The following MED1 variants were observed in gnomAD, a reference collection of about 807,000 sequenced individuals.
The protein encoded by MED1 is mediator complex subunit 1.
Under a neutral mutation model 121.3 loss-of-function variants are expected in MED1, and 17 were observed. The observed-to-expected ratio is 0.14, with a 90% CI of 0.10 to 0.21. The LOEUF is 0.21. Ranked by LOEUF, MED1 falls within the 10% of genes least tolerant of loss-of-function variation. The pLI, the probability that MED1 is intolerant of heterozygous loss-of-function variation, is 1.00. For missense variants in MED1, 1,558 were observed against 1,919.4 expected, an observed-to-expected ratio of 0.81 and a Z score of 3.52; for synonymous variants, 661 against 694.4, an observed-to-expected ratio of 0.95 and a Z score of 0.76.
At position 39,410,074 on chromosome 17, in the gene MED1, T is replaced by A. The variant is rs907364956; in HGVS notation, c.2147A>T (p.Asp716Val). 6.2e-7 allele frequency: 1 copy of A among 1,614,108 alleles called. No homozygotes were observed. Among genetic ancestry groups the A allele is most frequent in the Admixed American group, 1.7e-5 (1 of 60,006 alleles). The change falls in exon 17 of 17, where the codon GAT becomes GTT. Residue 716 changes from aspartate to valine, a missense_variant. Physicochemically the swap from Asp to Val is radical, Grantham distance 152. Coordinates refer to ENST00000300651, the MANE Select transcript of MED1 (RefSeq NM_004774.4). ...DDFQRELFSM[D>V]VDSQNPIFDV... ...AAAGATAGGGTTCTGTGAGTCAACA[T>A]CCATTGAAAATAGCTCCCTCTGAAA...
At chr17:39,422,863 C>CTTTTTTTTTT (rs372712559) in intron 13 of MED1, among the ~76,000 whole-genome samples, 1 of 98,918 alleles carries the variant, frequency 1.0e-5, no homozygotes. Context: ...TCCGAGATTT[C>CTTTTTTTTTT]TTTTTTTTTT....
intron 1 of MED1, 139 bp from the exon 2 acceptor site, chr17:39,448,043 C>T (rs2048744716): frequency 5.1e-6 from 3 of 586,282 alleles, no homozygotes; most frequent in Non-Finnish European, 9.0e-6. Context: ...TACTTCAAAA[C>T]ATCCAAAGAA....
chr17:39,449,626 C>A (rs895114986), intron 1 of MED1, among the ~76,000 whole-genome samples: 9 of 150,846 alleles, frequency 6.0e-5, no homozygotes, highest in African/African-American at 2.2e-4. Flanking sequence ...GATTCTCCTG[C>A]CTCAGCCTAC....
At chr17:39,425,317 C>T (rs892838602) in intron 10 of MED1, among the ~76,000 whole-genome samples, 6 of 152,202 alleles carry the variant, frequency 3.9e-5, no homozygotes, top group East Asian at 1.9e-4. Flanking sequence ...CAGCCTCCCA[C>T]GTACATGGCA....
chr17:39,443,444 A>T, intron 3 of MED1, 106 bp downstream of exon 3: 1 of 871,766 alleles, frequency 1.1e-6, no homozygotes, highest in Non-Finnish European at 1.9e-6. Context: ...TATCTAATAC[A>T]TAAAGTTGAC....
In MED1 at chr17:39,405,450, A is replaced by C; in HGVS notation, c.*2025T>G. On this transcript the variant is annotated 3_prime_UTR_variant, in exon 17 of 17. Coordinates refer to ENST00000300651, the MANE Select transcript of MED1 (RefSeq NM_004774.4). ...TCCCCACTCAGAACAAATTTTAAAAACCACATAAATTTTTTTTTTTTTCCT... is the reference window on the plus strand; with the variant it reads ...TCCCCACTCAGAACAAATTTTAAAACCCACATAAATTTTTTTTTTTTTCCT... The C allele has an allele frequency of 7.2e-7, 1 of 1,391,092 alleles. No individual in the cohort carries two copies. The highest frequency in any genetic ancestry group is 9.4e-7 in the Non-Finnish European group (1 of 1,067,768). The allele number at this position is 1,391,092 out of a possible 1,614,324, so 86.2% of individuals were successfully genotyped here. A position where few individuals can be genotyped will look rare whatever the true frequency, so the allele number is the denominator to read the frequency against.
chr17:39,422,191 G>A (rs375777123), intron 13 of MED1, among the ~76,000 whole-genome samples: 63 of 151,270 alleles, frequency 4.2e-4, no homozygotes, highest in African/African-American at 1.5e-3. Context: ...TTGAGACGGA[G>A]TCTTGCTCTG....
In MED1 at chr17:39,405,192, C is replaced by T; in HGVS notation, c.*2283G>A. ...TCCCTGGTTCTCAGGCAGGGTGAAGCAGTTTAGCCCCGGCTCCCTGTTAAG... is the reference window on the plus strand; with the variant it reads ...TCCCTGGTTCTCAGGCAGGGTGAAGTAGTTTAGCCCCGGCTCCCTGTTAAG... On this transcript the variant is annotated 3_prime_UTR_variant, in exon 17 of 17. Coordinates refer to ENST00000300651, the MANE Select transcript of MED1 (RefSeq NM_004774.4). 1 of 1,541,418 alleles carries T rather than the reference C, an allele frequency of 6.5e-7. No individual in the cohort carries two copies. Among genetic ancestry groups the T allele is most frequent in the Non-Finnish European group, 8.8e-7 (1 of 1,140,642 alleles).
At chr17:39,444,904 C>T (rs1421844506) in intron 2 of MED1, among the ~76,000 whole-genome samples, 1 of 151,738 alleles carries the variant, frequency 6.6e-6, no homozygotes, top group Non-Finnish European at 1.5e-5. Flanking sequence ...CAAAAAAAAA[C>T]TTAGCCTAGT....
chr17:39,443,540 G>T lies in MED1; in HGVS notation c.211+10C>A. On this transcript the variant is annotated intron_variant, in intron 3 of 16. Transcript: ENST00000300651. ...TGTGAAATCAGCATATTTCAAAAGT[G>T]TTCACAAACCTTTGAGAGCCTTCTG... 6.2e-7 allele frequency: 1 copy of T among 1,608,110 alleles called. No individual in the cohort carries two copies. Among genetic ancestry groups the T allele is most frequent in the South Asian group, 1.1e-5 (1 of 90,950 alleles).
intron 13 of MED1, among the ~76,000 whole-genome samples, chr17:39,421,539 C>T (rs1217390719): frequency 6.6e-6 from 1 of 151,896 alleles, no homozygotes; most frequent in Admixed American, 6.6e-5. Context: ...ACAGAGCTAG[C>T]TAGACTCCAT....
At position 39,407,668 on chromosome 17, in the gene MED1, T is replaced by C; in HGVS notation, c.4553A>G (p.Lys1518Arg). ...ATGAGATTTTTTCTTGTCTCGGTCTTTGTCCCGGTCTCGGTCCCTATCTTT... is the reference window on the plus strand; with the variant it reads ...ATGAGATTTTTTCTTGTCTCGGTCTCTGTCCCGGTCTCGGTCCCTATCTTT... ...KDKDRDRDRD[K>R]DRDKKKSHSI... Residue 1518 changes from lysine (K) to arginine (R), a missense_variant, in exon 17 of 17, where the codon AAA (lysine) becomes AGA (arginine). Transcript: ENST00000300651. 1 of 1,614,218 alleles carries C rather than the reference T, an allele frequency of 6.2e-7. No homozygotes were observed. The highest frequency in any genetic ancestry group is 8.5e-7 in the Non-Finnish European group (1 of 1,180,036).
chr17:39,436,770 C>A (rs2048622718), intron 6 of MED1, among the ~76,000 whole-genome samples: 1 of 151,728 alleles, frequency 6.6e-6, no homozygotes, highest in Non-Finnish European at 1.5e-5. Flanking sequence ...ACACATAATT[C>A]TTTATTATTT....
intron 16 of MED1, among the ~76,000 whole-genome samples, chr17:39,411,386 C>T (rs957265833): frequency 2.0e-5 from 3 of 152,036 alleles, no homozygotes; most frequent in African/African-American, 7.2e-5. Context: ...TTTGGAAGGC[C>T]GAGGAGGGTG....
chr17:39,425,433 G>A (rs1018424950), intron 10 of MED1, among the ~76,000 whole-genome samples: 2 of 152,114 alleles, frequency 1.3e-5, no homozygotes, highest in Admixed American at 6.6e-5. Context: ...GCCTAAAGTT[G>A]ATCCACCCAT....
chr17:39,416,916 T>C (rs1347504488), intron 14 of MED1, among the ~76,000 whole-genome samples: 1 of 152,198 alleles, frequency 6.6e-6, no homozygotes, highest in African/African-American at 2.4e-5. Flanking sequence ...TGCATGCCTA[T>C]AGTCCAGCGA....
intron 9 of MED1, among the ~76,000 whole-genome samples, chr17:39,429,413 A>G (rs904622119): frequency 4.6e-5 from 7 of 151,926 alleles, no homozygotes; most frequent in African/African-American, 1.7e-4. Flanking sequence ...CATCGCAAAA[A>G]GCCCAGGCGC....
chr17:39,437,763 C>T (rs374953410), intron 6 of MED1, among the ~76,000 whole-genome samples: 4 of 151,860 alleles, frequency 2.6e-5, no homozygotes, highest in African/African-American at 4.8e-5. Flanking sequence ...GGTGAAACCC[C>T]GTCTCTACTG....
Position 39,451,186 on chromosome 17 carries a change from G to A in MED1, c.-124C>T. ...CACCAGCAGTCCCTACTCTTCCCGG[G>A]AAGGATCAATCTGAAGTCCCCGGCG... On this transcript the variant is annotated 5_prime_UTR_variant, in exon 1 of 17. Coordinates refer to ENST00000300651, the MANE Select transcript of MED1 (RefSeq NM_004774.4). The A allele has an allele frequency of 8.9e-7, 1 of 1,127,232 alleles. No individual in the cohort carries two copies. The highest frequency in any genetic ancestry group is 1.3e-6 in the Non-Finnish European group (1 of 768,326). The allele number at this position is 1,127,232 out of a possible 1,614,324, so 69.8% of individuals were successfully genotyped here. A position where few individuals can be genotyped will look rare whatever the true frequency, so the allele number is the denominator to read the frequency against.
Sources: allele counts gnomAD v4.1 joint callset (sites outside exome capture counted in the v4.1 genomes callset), GRCh38; gene constraint gnomAD v4.1.1; transcripts MANE v1.5; gene names NCBI Gene and HGNC (gene_info 2026-07-23, HGNC 2026-07-21).